The following COBLL1 variants were observed in gnomAD, a reference collection of about 807,000 sequenced individuals.
The protein encoded by COBLL1 is cordon-bleu WH2 repeat protein like 1, also known as cordon-bleu protein-like 1.
COBLL1 carries 50 observed loss-of-function variants against 94.8 expected under a neutral mutation model. That is an observed-to-expected ratio of 0.53 (90% CI 0.42 to 0.67). COBLL1 has a LOEUF of 0.67. Ranked by LOEUF, COBLL1 falls within the 30% of genes least tolerant of loss-of-function variation. The pLI is 0.00. For synonymous variants in COBLL1, 448 were observed against 473.8 expected (o/e 0.95, Z 0.71); for missense variants, 1,362 against 1,348.7 (o/e 1.01, Z -0.15).
intron 2 of COBLL1, among the ~76,000 whole-genome samples, chr2:164,775,103 CTG>C (rs1688398926): frequency 6.6e-6 from 1 of 151,824 alleles, no homozygotes; most frequent in Non-Finnish European, 1.5e-5. Context: ...TTGCAGTGAG[CTG>C]AGACTGTGCC....
intron 2 of COBLL1, among the ~76,000 whole-genome samples, chr2:164,661,524 A>T (rs1691069979): frequency 6.6e-6 from 1 of 152,140 alleles, no homozygotes; most frequent in Non-Finnish European, 1.5e-5. Flanking sequence ...ATTTCCAAAC[A>T]TTTCCACATA....
chr2:164,697,133 T>C (rs1436596951), intron 11 of COBLL1: 1 of 152,162 alleles, frequency 6.6e-6, no homozygotes, highest in East Asian at 1.9e-4. Flanking sequence ...TTTAAAAACA[T>C]ATCTTCACAT....
intron 3 of COBLL1, among the ~76,000 whole-genome samples, chr2:164,734,147 G>C (rs770725530): frequency 6.6e-6 from 1 of 150,658 alleles, no homozygotes; most frequent in Non-Finnish European, 1.5e-5. Flanking sequence ...TTATGAAACT[G>C]ATCTAGAGAG....
chr2:164,713,373 C>G (rs893548664), intron 7 of COBLL1, among the ~76,000 whole-genome samples: 1 of 152,150 alleles, frequency 6.6e-6, no homozygotes, highest in Admixed American at 6.5e-5. Context: ...GCTCTTACAT[C>G]TACACTAGGC....
intron 2 of COBLL1, among the ~76,000 whole-genome samples, chr2:164,815,020 G>C (rs1283627177): frequency 6.6e-6 from 1 of 152,162 alleles, no homozygotes; most frequent in African/African-American, 2.4e-5. Context: ...CTAATTTGGA[G>C]AAGGGCAGAC....
intron 2 of COBLL1, among the ~76,000 whole-genome samples, chr2:164,812,826 T>G (rs901903503): frequency 2.0e-5 from 3 of 152,132 alleles, no homozygotes; most frequent in African/African-American, 4.8e-5. Context: ...AGTCATTGTT[T>G]AAATAAGCAT....
At chr2:164,819,549 A>G (rs1685054693) in intron 2 of COBLL1, among the ~76,000 whole-genome samples, 1 of 152,172 alleles carries the variant, frequency 6.6e-6, no homozygotes, top group Non-Finnish European at 1.5e-5. Context: ...AATCAAACTG[A>G]AAAATGAGAA....
chr2:164,678,172 C>T (rs1204021289), downstream of COBLL1, among the ~76,000 whole-genome samples: 2 of 152,022 alleles, frequency 1.3e-5, no homozygotes. Flanking sequence ...AGAAGAAAAA[C>T]GAGCAACTTT....
chr2:164,814,549 TG>T (rs1684621423), intron 2 of COBLL1, among the ~76,000 whole-genome samples: 1 of 152,210 alleles, frequency 6.6e-6, no homozygotes, highest in Non-Finnish European at 1.5e-5. Flanking sequence ...TCTCAATGTA[TG>T]TATACTGACG....
At chr2:164,702,913 G>A (rs924358329) in intron 9 of COBLL1, among the ~76,000 whole-genome samples, 9 of 152,114 alleles carry the variant, frequency 5.9e-5, no homozygotes, top group African/African-American at 2.2e-4. Flanking sequence ...CCACTCTGTT[G>A]TATTCATCTG....
At position 164,818,787 on chromosome 2, in the gene COBLL1, T is replaced by A. The variant is rs1030198659; in HGVS notation, c.41+22369A>T. ...ATGTAAACATATATATATATACATA[T>A]AATTTTTTTTCGAGATCTTGCTCTG... On this transcript the variant is annotated intron_variant, in intron 2 of 13. Coordinates refer to ENST00000652658, the MANE Select transcript of COBLL1 (RefSeq NM_001365672.2). Among the ~76,000 whole-genome samples the A allele has an allele frequency of 4.1e-5, 6 of 145,344 alleles. No homozygotes were observed. The East Asian group carries it at 9.7e-4, about 24-fold the overall frequency.
chr2:164,787,033 C>T (rs1688993249), intron 2 of COBLL1, among the ~76,000 whole-genome samples: 2 of 152,110 alleles, frequency 1.3e-5, no homozygotes, highest in South Asian at 2.1e-4. Flanking sequence ...ACCATTCCTT[C>T]GCCCCCAAGG....
intron 2 of COBLL1, among the ~76,000 whole-genome samples, chr2:164,778,209 G>A (rs947856575): frequency 6.6e-6 from 1 of 152,172 alleles, no homozygotes; most frequent in Non-Finnish European, 1.5e-5. Flanking sequence ...GCAAGACACT[G>A]AAGGAATAAA....
At chr2:164,734,516 C>T (rs1322971936) in intron 3 of COBLL1, among the ~76,000 whole-genome samples, 1 of 152,144 alleles carries the variant, frequency 6.6e-6, no homozygotes, top group Non-Finnish European at 1.5e-5. Flanking sequence ...GTGATGTGAT[C>T]TACTCTACTT....
chr2:164,725,197 C>A (rs12619501), intron 5 of COBLL1, among the ~76,000 whole-genome samples: 94,491 of 147,922 alleles, frequency 0.64, 31,560 homozygotes, highest in African/African-American at 0.85. Flanking sequence ...AGAGAGTTTT[C>A]GTAACTTGCA....
chr2:164,797,796 G>A (rs939410685), intron 2 of COBLL1, among the ~76,000 whole-genome samples: 1 of 152,064 alleles, frequency 6.6e-6, no homozygotes, highest in Non-Finnish European at 1.5e-5. Flanking sequence ...CTTCCTCCTT[G>A]CAAACAGAAA....
Position 164,797,387 on chromosome 2 carries a change from C to T in COBLL1, c.41+43769G>A, listed in dbSNP as rs184796189. Among the ~76,000 whole-genome samples, 61 of 152,248 alleles carry T rather than the reference C, an allele frequency of 4.0e-4. 1 individual carries two copies. The highest frequency in any genetic ancestry group is 1.4e-3 in the African/African-American group (58 of 41,552). ...CACTATTTCTTATGCCATTATATGACAGGCATAGTTTTGGGTCCCTTTACA... is the reference window on the plus strand; with the variant it reads ...CACTATTTCTTATGCCATTATATGATAGGCATAGTTTTGGGTCCCTTTACA... On this transcript the variant is annotated intron_variant, in intron 2 of 13. Coordinates refer to ENST00000652658, the MANE Select transcript of COBLL1 (RefSeq NM_001365672.2).
intron 7 of COBLL1, among the ~76,000 whole-genome samples, chr2:164,715,472 AATAC>A (rs2105482146): frequency 6.6e-6 from 1 of 152,242 alleles, no homozygotes; most frequent in Admixed American, 6.5e-5. Flanking sequence ...AAACATTGCA[AATAC>A]ATACTCTATT....
At chr2:164,771,443 G>C (rs1214601168) in intron 2 of COBLL1, among the ~76,000 whole-genome samples, 1 of 152,006 alleles carries the variant, frequency 6.6e-6, no homozygotes, top group Non-Finnish European at 1.5e-5. Context: ...AGGCACTACA[G>C]CATGATTAGA....
Sources: allele counts gnomAD v4.1 joint callset (sites outside exome capture counted in the v4.1 genomes callset), GRCh38; gene constraint gnomAD v4.1.1; transcripts MANE v1.5; gene names NCBI Gene and HGNC (gene_info 2026-07-23, HGNC 2026-07-21).